ABAT: variants seen among roughly 807,000 people sequenced by gnomAD.
ABAT encodes 4-aminobutyrate aminotransferase, also known as 4-aminobutyrate aminotransferase, mitochondrial.
Under a neutral mutation model 64.6 loss-of-function variants are expected in ABAT, and 45 were observed. The ratio of observed to expected loss-of-function variants is 0.70; its 90% CI spans 0.55 to 0.89. The LOEUF (loss-of-function observed/expected upper bound fraction) is 0.89, where lower values mean the gene tolerates loss of function less well. ABAT is among the 40% of genes least tolerant of loss of function. ABAT has a pLI of 0.00. For synonymous variants in ABAT, 297 were observed against 250.5 expected (o/e 1.19, Z -1.75); for missense variants, 633 against 658.4 (o/e 0.96, Z 0.42).
At chr16:8,724,558 C>A (rs539127509) in intron 1 of ABAT, among the ~76,000 whole-genome samples, 15 of 151,978 alleles carry the variant, frequency 9.9e-5, no homozygotes, top group Admixed American at 2.0e-4. Flanking sequence ...ATGGTGAAAC[C>A]CCATCTCTCC....
intron 2 of ABAT, among the ~76,000 whole-genome samples, chr16:8,743,628 A>G (rs185007138): frequency 2.3e-3 from 210 of 91,082 alleles, no homozygotes; most frequent in African/African-American, 8.4e-3. Context: ...TATATGATAT[A>G]TATTTTAGTT....
chr16:8,700,330 A>G (rs1295252506), intron 1 of ABAT, among the ~76,000 whole-genome samples: 3 of 152,172 alleles, frequency 2.0e-5, no homozygotes, highest in African/African-American at 7.2e-5. Context: ...AAGTTGATGA[A>G]TAACTTAACA....
At position 8,706,419 on chromosome 16, in the gene ABAT, A is replaced by G. The variant is rs113248542; in HGVS notation, c.-41-29280A>G. Among the ~76,000 whole-genome samples, 130 of 148,054 alleles carry G rather than the reference A, an allele frequency of 8.8e-4. 1 individual carries two copies. Among genetic ancestry groups the G allele is most frequent in the African/African-American group, 2.9e-3 (117 of 40,728 alleles). On this transcript the variant is annotated intron_variant, in intron 1 of 15. Coordinates refer to ENST00000268251, the MANE Select transcript of ABAT (RefSeq NM_020686.6). ...GACCCTGTTTCAAAAAAAAAAAAAA[A>G]AAAAGAAAAGACCAGGCATGATGGC... is the stretch of plus-strand genomic sequence containing the variant.
intron 2 of ABAT, among the ~76,000 whole-genome samples, chr16:8,743,623 G>GATATATATTTTAGTTATAATATATA (rs1195718712): frequency 7.5e-6 from 1 of 133,078 alleles, no homozygotes; most frequent in African/African-American, 2.8e-5. Context: ...TTAGTTATAT[G>GATATATATTTTAGTTATAATATATA]ATATATATTT....
At chr16:8,684,582 G>A (rs1033848747) in intron 1 of ABAT, among the ~76,000 whole-genome samples, 4 of 152,018 alleles carry the variant, frequency 2.6e-5, no homozygotes, top group Non-Finnish European at 4.4e-5. Flanking sequence ...AGCCAGGTGT[G>A]GTAATGTGCA....
In ABAT at chr16:8,675,889, C is replaced by A. The variant is rs977366040; in HGVS notation, c.-42+1178C>A. On this transcript the variant is annotated intron_variant, in intron 1 of 15. Coordinates refer to ENST00000268251, the MANE Select transcript of ABAT (RefSeq NM_020686.6). ...TTCCCCCCTAAAGTGTGCACCCCCG[C>A]AAGCGCCTGTGGACATTGCCTGGTG... 1.6e-4 allele frequency among the ~76,000 whole-genome samples: 25 copies of A among 152,210 alleles called. 1 individual carries two copies. Among genetic ancestry groups the A allele is most frequent in the Non-Finnish European group, 7.3e-5 (5 of 68,050 alleles).
At position 8,782,939 on chromosome 16, in the gene ABAT, T is replaced by C. The variant is rs2060473455; in HGVS notation, c.*1509T>C. 2 of 152,226 alleles carry C rather than the reference T, an allele frequency of 1.3e-5. No homozygotes were observed. The highest frequency in any genetic ancestry group is 6.5e-5 in the Admixed American group (1 of 15,278). The allele number at this position is 152,226 out of a possible 1,614,324, so 9.4% of individuals were successfully genotyped here. A position where few individuals can be genotyped will look rare whatever the true frequency, so the allele number is the denominator to read the frequency against. ...TCCAAAGATCTCAAAGTAAGGGTTT[T>C]TTTTTTTAGCTTCCACTCTTCCGCA... On this transcript the variant is annotated 3_prime_UTR_variant, in exon 16 of 16. Coordinates refer to ENST00000268251, the MANE Select transcript of ABAT (RefSeq NM_020686.6).
chr16:8,684,563 T>G (rs1210529647), intron 1 of ABAT, among the ~76,000 whole-genome samples: 1 of 151,720 alleles, frequency 6.6e-6, no homozygotes, highest in African/African-American at 2.4e-5. Context: ...ACAAAAAATT[T>G]TAAAAATTAG....
rs565161522 is a variant in ABAT at position 8,733,540 on chromosome 16, C to A, written c.-41-2159C>A. Among the ~76,000 whole-genome samples the A allele has an allele frequency of 9.5e-4, 144 of 152,036 alleles. 2 individuals are homozygous for A. In the South Asian group the frequency reaches 0.01, roughly 11 times the overall value. On this transcript the variant is annotated intron_variant, in intron 1 of 15. Coordinates refer to ENST00000268251, the MANE Select transcript of ABAT (RefSeq NM_020686.6). The stretch of plus-strand genomic sequence containing the variant: ...ACGCCGCTGCACTCCAGCCTGGGCA[C>A]CATTGAGCACTGAGTGAACGAGACT...
At chr16:8,685,608 G>A (rs556896310) in intron 1 of ABAT, among the ~76,000 whole-genome samples, 36 of 152,084 alleles carry the variant, frequency 2.4e-4, no homozygotes, top group Non-Finnish European at 4.6e-4. Context: ...CCCGGGAGGC[G>A]GAGGTTGCAG....
At chr16:8,731,893 G>T (rs952335187) in intron 1 of ABAT, among the ~76,000 whole-genome samples, 1 of 151,728 alleles carries the variant, frequency 6.6e-6, no homozygotes, top group Non-Finnish European at 1.5e-5. Flanking sequence ...TCGCCCTGTC[G>T]CCCAGGCTGG....
intron 6 of ABAT, among the ~76,000 whole-genome samples, chr16:8,760,720 C>T (rs2059771170): frequency 6.6e-6 from 1 of 152,228 alleles, no homozygotes; most frequent in Non-Finnish European, 1.5e-5. Context: ...ACATCAGACA[C>T]ATTTGCAGTG....
At chr16:8,727,392 T>A (rs1165195977) in intron 1 of ABAT, among the ~76,000 whole-genome samples, 1 of 152,212 alleles carries the variant, frequency 6.6e-6, no homozygotes, top group African/African-American at 2.4e-5. Context: ...CGTGTCATCA[T>A]ACACCTCCGA....
At chr16:8,696,534 C>T (rs1220440310) in intron 1 of ABAT, among the ~76,000 whole-genome samples, 3 of 152,152 alleles carry the variant, frequency 2.0e-5, no homozygotes, top group Non-Finnish European at 4.4e-5. Flanking sequence ...ACAGGAGAAT[C>T]ACTTGAAAGG....
rs910525488 is a variant in ABAT at position 8,753,600 on chromosome 16, C to G, written c.316+3061C>G. On this transcript the variant is annotated intron_variant, in intron 5 of 15. Coordinates refer to ENST00000268251, the MANE Select transcript of ABAT (RefSeq NM_020686.6). ...GTCTACCTGGAACAGGCTTAGCTCTCCAAAGGCAGAAAAGTCATGAACACA... is the reference window on the plus strand; with the variant it reads ...GTCTACCTGGAACAGGCTTAGCTCTGCAAAGGCAGAAAAGTCATGAACACA... Among the ~76,000 whole-genome samples, 3 of 152,216 alleles carry G rather than the reference C, an allele frequency of 2.0e-5. No homozygotes were observed. In the East Asian group the frequency reaches 5.8e-4, roughly 29 times the overall value.
intron 1 of ABAT, among the ~76,000 whole-genome samples, chr16:8,732,197 T>TTG (rs1491382772): frequency 1.8e-4 from 1 of 5,546 alleles, no homozygotes; most frequent in African/African-American, 2.5e-4. Context: ...GTTTTTTTTG[T>TTG]TTTTTTTTTT....
rs2060442658 is a variant in ABAT at position 8,781,643 on chromosome 16, AT to A, written c.*215del. ...CCTCCCTGCAGAGCCAATGGTGCAC[AT>A]TGGTTTAAGCCCAGAGATCCTGCTT... is the stretch of plus-strand genomic sequence containing the variant. On this transcript the variant is annotated 3_prime_UTR_variant, in exon 16 of 16. Transcript: ENST00000268251. The surrounding 1 kb of genome is among the most constrained non-coding windows in gnomAD (Gnocchi z 4.5). 2.3e-5 allele frequency: 15 copies of A among 656,378 alleles called. No individual in the cohort carries two copies. In the South Asian group the frequency reaches 2.6e-4, roughly 11 times the overall value. 40.7% of individuals were successfully genotyped at this position (656,378 alleles called of 1,614,324 possible).
At chr16:8,677,411 A>G (rs564711059) in intron 1 of ABAT, among the ~76,000 whole-genome samples, 1 of 152,276 alleles carries the variant, frequency 6.6e-6, no homozygotes, top group South Asian at 2.1e-4. Context: ...TGGAGTAGAG[A>G]GTTGGCCACT....
intron 1 of ABAT, among the ~76,000 whole-genome samples, chr16:8,707,519 G>T (rs1037957013): frequency 6.6e-6 from 1 of 151,924 alleles, no homozygotes; most frequent in Non-Finnish European, 1.5e-5. Flanking sequence ...GCAAATGAGA[G>T]TCCCTTTTCT....
Sources: allele counts gnomAD v4.1 joint callset (sites outside exome capture counted in the v4.1 genomes callset), GRCh38; gene constraint gnomAD v4.1.1; non-coding constraint Gnocchi (gnomAD v3.1); transcripts MANE v1.5; gene names NCBI Gene and HGNC (gene_info 2026-07-23, HGNC 2026-07-21).